The following SUDS3 variants were observed in gnomAD, a reference collection of about 807,000 sequenced individuals.
SUDS3 encodes sin3 histone deacetylase corepressor complex component SDS3.
Under a neutral mutation model 53.5 loss-of-function variants are expected in SUDS3, and 23 were observed. The observed-to-expected ratio is 0.43, with a 90% CI of 0.31 to 0.61. The LOEUF is 0.61. Among genes scored for constraint, SUDS3 ranks in the 20% least tolerant of loss-of-function variants. The pLI is 0.10. For synonymous variants in SUDS3, 150 were observed against 148.5 expected, an observed-to-expected ratio of 1.01 and a Z score of -0.08; for missense variants, 291 against 405.9, an observed-to-expected ratio of 0.72 and a Z score of 2.43.
intron 10 of SUDS3, among the ~76,000 whole-genome samples, chr12:118,409,578 C>T (rs1045804469): frequency 6.6e-6 from 1 of 152,250 alleles, no homozygotes; most frequent in Non-Finnish European, 1.5e-5. Flanking sequence ...GAGTGAAGTG[C>T]ATCCTTTACT....
intron 6 of SUDS3, among the ~76,000 whole-genome samples, chr12:118,398,063 T>C (rs1439269259): frequency 6.6e-6 from 1 of 152,180 alleles, no homozygotes; most frequent in Non-Finnish European, 1.5e-5. Context: ...CTTTCGACTA[T>C]GTAACTTTTT....
At position 118,411,130 on chromosome 12, in the gene SUDS3, C is replaced by T. The variant is rs750560816; in HGVS notation, c.861C>T (p.Cys287=). 1.6e-5 allele frequency: 25 copies of T among 1,600,764 alleles called. No individual in the cohort carries two copies. The highest frequency in any genetic ancestry group is 1.8e-5 in the Non-Finnish European group (21 of 1,173,706). ...CAAAGGACAACCAGAAACTGAGCTG[C>T]GTGATCAGTTCTGTAGGAGCCAATG... ...LESKDNQKLS[C]VISSVGANEI... is the part of the protein sequence containing the mutation. Residue 287 remains cysteine, a synonymous_variant, in exon 11 of 12, where the codon TGC becomes TGT. Transcript: ENST00000543473.
chr12:118,377,676 T>A (rs559276363), intron 1 of SUDS3, among the ~76,000 whole-genome samples: 1 of 152,152 alleles, frequency 6.6e-6, no homozygotes, highest in Non-Finnish European at 1.5e-5. Context: ...AGGAACGCTA[T>A]TTTGGAGGGA....
At chr12:118,400,850 A>G in intron 7 of SUDS3, 96 bp downstream of exon 7, 4 of 1,151,060 alleles carry the variant, frequency 3.5e-6, no homozygotes, top group Admixed American at 1.8e-5. Flanking sequence ...CCGTTGTCCT[A>G]CAGAAAATAG....
At chr12:118,408,992 T>G (rs1381643560) in intron 10 of SUDS3, among the ~76,000 whole-genome samples, 3 of 152,198 alleles carry the variant, frequency 2.0e-5, no homozygotes, top group African/African-American at 7.2e-5. Context: ...TAGTATGAAC[T>G]TAGCCTTTTC....
rs539724349 is a variant in SUDS3 at position 118,403,048 on chromosome 12, G to A, written c.698-364G>A. Among the ~76,000 whole-genome samples the A allele has an allele frequency of 2.8e-4, 43 of 152,252 alleles. 1 individual carries two copies. The highest frequency in any genetic ancestry group is 4.0e-4 in the Non-Finnish European group (27 of 68,006). ...GCTGGAATCACAGGTGTGCGCCACC[G>A]CACCCTGCTGAAAACGATTGCATTT... On this transcript the variant is annotated intron_variant, in intron 9 of 11. Transcript: ENST00000543473.
At chr12:118,412,681 TA>T (rs1343303549) in intron 11 of SUDS3, among the ~76,000 whole-genome samples, 2 of 152,220 alleles carry the variant, frequency 1.3e-5, no homozygotes, top group African/African-American at 4.8e-5. Context: ...TACCTGACCC[TA>T]ACTTCAGAAC....
chr12:118,388,737 C>T (rs967543713), intron 4 of SUDS3, among the ~76,000 whole-genome samples: 23 of 152,162 alleles, frequency 1.5e-4, no homozygotes, highest in East Asian at 3.9e-4. Flanking sequence ...GGACAGACAG[C>T]GTGAGCAGAG....
chr12:118,380,040 G>T (rs188543210), intron 1 of SUDS3, 122 bp from the exon 2 acceptor site: 377 of 777,204 alleles, frequency 4.9e-4, no homozygotes, highest in Middle Eastern at 2.4e-3. Flanking sequence ...ATGGCTTTGT[G>T]CAAGCCTGCC....
At chr12:118,411,239 C>A in intron 11 of SUDS3, 82 bp downstream of exon 11, 1 of 1,290,452 alleles carries the variant, frequency 7.7e-7, no homozygotes, top group Middle Eastern at 1.8e-4. Flanking sequence ...AATGAAAGTG[C>A]CACCAAGGAA....
chr12:118,386,102 G>T lies in SUDS3; in HGVS notation c.269-12G>T. Reference sequence around the variant, plus strand: ...TTCACAATAATTTTATTTTTCAAATGTTCAAAATCAGGTACATTACAGGAA... The same window carrying T: ...TTCACAATAATTTTATTTTTCAAATTTTCAAAATCAGGTACATTACAGGAA... On this transcript the variant is annotated splice_polypyrimidine_tract_variant and intron_variant, in intron 3 of 11. Transcript: ENST00000543473. 2 of 1,571,158 alleles carry T rather than the reference G, an allele frequency of 1.3e-6. No homozygotes were observed. Among genetic ancestry groups the T allele is most frequent in the Non-Finnish European group, 1.7e-6 (2 of 1,155,256 alleles).
At chr12:118,376,892 G>A (rs1397520612) in intron 1 of SUDS3, 59 bp downstream of exon 1, 3 of 1,441,164 alleles carry the variant, frequency 2.1e-6, no homozygotes, top group Admixed American at 2.6e-5. Flanking sequence ...GGGGGAGGGG[G>A]TGGGGCTGTT....
chr12:118,401,894 T>C (rs2141382527), intron 8 of SUDS3, 74 bp downstream of exon 8: 1 of 1,588,240 alleles, frequency 6.3e-7, no homozygotes, highest in East Asian at 2.2e-5. Flanking sequence ...GTTAACATGT[T>C]ACTTGTTAAT....
chr12:118,391,165 G>A lies in SUDS3; in HGVS notation c.400G>A (p.Ala134Thr). 2 of 1,613,806 alleles carry A rather than the reference G, an allele frequency of 1.2e-6. No homozygotes were observed. Among genetic ancestry groups the A allele is most frequent in the Non-Finnish European group, 1.7e-6 (2 of 1,179,860 alleles). Residue 134 changes from alanine to threonine, a missense_variant, in exon 6 of 12, where the codon GCA (alanine) becomes ACA (threonine). Transcript: ENST00000543473. ...ACGAAATTACATTAAAGAAAAGAAGGCAGCAGTGAAAGAATTTGAAGACAA... is the reference window on the plus strand; with the variant it reads ...ACGAAATTACATTAAAGAAAAGAAGACAGCAGTGAAAGAATTTGAAGACAA... Reference protein sequence around the residue: ...VERNYIKEKKAAVKEFEDKKV... With the variant: ...VERNYIKEKKTAVKEFEDKKV...
Position 118,391,218 on chromosome 12 carries a change from T to G in SUDS3, c.453T>G (p.Ile151Met). ...DKKVELKENL[I>M]AELEEKKKMI... ...AGGTTGAGCTGAAAGAGAACCTGAT[T>G]GCTGAGCTAGAAGAAAAGAAGAAAA... is the stretch of plus-strand genomic sequence containing the variant. The change falls in exon 6 of 12, where the codon ATT (isoleucine) becomes ATG (methionine). Residue 151 changes from isoleucine to methionine, a missense_variant. Ile to Met is a conservative substitution (Grantham distance 10). This residue lies in a region of SUDS3 where 55 missense variants were observed against 124.2 expected (regional missense o/e 0.44). Transcript: ENST00000543473. 6.2e-7 allele frequency: 1 copy of G among 1,613,644 alleles called. No individual in the cohort carries two copies. The highest frequency in any genetic ancestry group is 1.1e-5 in the South Asian group (1 of 91,028).
At chr12:118,402,068 A>G (rs2046267932) in intron 9 of SUDS3, 64 bp downstream of exon 9, 4 of 1,581,576 alleles carry the variant, frequency 2.5e-6, no homozygotes, top group Non-Finnish European at 3.5e-6. Context: ...AAGGGTGTGA[A>G]TACCTGTCAG....
chr12:118,381,774 C>A (rs944975047), intron 2 of SUDS3, among the ~76,000 whole-genome samples: 2 of 152,140 alleles, frequency 1.3e-5, no homozygotes, highest in African/African-American at 2.4e-5. Flanking sequence ...GAGCCACAGC[C>A]GAACAGATTC....
At position 118,380,208 on chromosome 12, in the gene SUDS3, A is replaced by C. The variant is rs1332219006; in HGVS notation, c.189A>C (p.Glu63Asp). ...CTGACCTGGCAAAGCATGATGAAGA[A>C]GACTATGTAGAAATGAAGGAACAGT... ...SETDLAKHDE[E>D]DYVEMKEQMY... Residue 63 changes from glutamate to aspartate, a missense_variant, in exon 2 of 12, where the codon GAA (glutamate) becomes GAC (aspartate). Glu to Asp is a conservative substitution (Grantham distance 45, BLOSUM62 2). Transcript: ENST00000543473. The C allele has an allele frequency of 5.6e-6, 9 of 1,608,450 alleles. No homozygotes were observed. The highest frequency in any genetic ancestry group is 2.2e-5 in the East Asian group (1 of 44,844).
At chr12:118,379,258 G>A (rs911460479) in intron 1 of SUDS3, among the ~76,000 whole-genome samples, 7 of 151,934 alleles carry the variant, frequency 4.6e-5, no homozygotes, top group East Asian at 2.0e-4. Flanking sequence ...CCAACGTGGC[G>A]AAACCTCATC....
Sources: allele counts gnomAD v4.1 joint callset (sites outside exome capture counted in the v4.1 genomes callset), GRCh38; gene constraint gnomAD v4.1.1; regional missense constraint gnomAD v4.1.1; transcripts MANE v1.5; gene names NCBI Gene and HGNC (gene_info 2026-07-23, HGNC 2026-07-21).